Variants in TSNARE1 observed in about 807,000 individuals in gnomAD.
TSNARE1 encodes t-SNARE domain containing 1.
In TSNARE1, 49 loss-of-function variants were observed where a neutral mutation model predicts 62.0. That is an observed-to-expected ratio of 0.79 (90% CI 0.63 to 1.00). The LOEUF is 1.00. Among genes scored for constraint, TSNARE1 ranks in the 50% least tolerant of loss-of-function variants. The pLI is 0.00. For missense variants in TSNARE1, 755 were observed against 700.1 expected, an observed-to-expected ratio of 1.08 and a Z score of -0.88; for synonymous variants, 328 against 294.4, an observed-to-expected ratio of 1.11 and a Z score of -1.17.
chr8:142,389,322 C>T (rs749240288), intron 1 of TSNARE1, among the ~76,000 whole-genome samples: 1 of 152,136 alleles, frequency 6.6e-6, no homozygotes, highest in Non-Finnish European at 1.5e-5. Flanking sequence ...AAAAGCTCCA[C>T]AACGTCAGTC....
chr8:142,299,176 TA>T lies in TSNARE1; in HGVS notation c.1290+1309del, dbSNP rs368315730. On this transcript the variant is annotated intron_variant, in intron 10 of 13. Coordinates refer to ENST00000524325, the MANE Select transcript of TSNARE1 (RefSeq NM_145003.5). The stretch of plus-strand genomic sequence containing the variant: ...TGGGCGCTCCTCCACCAGGTCAAAG[TA>T]GGGGGTTGCCACAGCAGAGGCAGGG... Among the ~76,000 whole-genome samples, 35 of 152,076 alleles carry T rather than the reference TA, an allele frequency of 2.3e-4. No homozygotes were observed. The South Asian group carries it at 6.5e-3, about 28-fold the overall frequency.
At chr8:142,229,726 A>G in intron 12 of TSNARE1, 147 bp from the exon 13 acceptor site, 1 of 668,088 alleles carries the variant, frequency 1.5e-6, no homozygotes, top group South Asian at 1.7e-5. Flanking sequence ...GTGTCTTTCA[A>G]GGGGCTCTGT....
chr8:142,278,489 C>A, intron 11 of TSNARE1: 2 of 985,474 alleles, frequency 2.0e-6, no homozygotes, highest in Non-Finnish European at 2.4e-6. Flanking sequence ...TCCAGCGGGG[C>A]TCTGCTTCGA....
At chr8:142,235,200 C>T (rs1472117003) in intron 12 of TSNARE1, among the ~76,000 whole-genome samples, 1 of 151,412 alleles carries the variant, frequency 6.6e-6, no homozygotes, top group South Asian at 2.1e-4. Flanking sequence ...CCAGGATACC[C>T]GCAGGCCCCA....
At chr8:142,223,714 A>G (rs1816644947) in intron 13 of TSNARE1, among the ~76,000 whole-genome samples, 1 of 152,182 alleles carries the variant, frequency 6.6e-6, no homozygotes, top group Non-Finnish European at 1.5e-5. Context: ...TCACATCCCC[A>G]GGAGTTCACA....
At chr8:142,372,250 C>T (rs577588649) in intron 1 of TSNARE1, among the ~76,000 whole-genome samples, 1 of 152,288 alleles carries the variant, frequency 6.6e-6, no homozygotes, top group Non-Finnish European at 1.5e-5. Flanking sequence ...AGAGGATGGG[C>T]CCTGGGCATG....
upstream of TSNARE1, chr8:142,405,337 G>A (rs12543849): frequency 0.54 from 81,660 of 152,122 alleles, 24,256 homozygotes; most frequent in Non-Finnish European, 0.66. Flanking sequence ...CTCCAGAGAA[G>A]CAGGACTCCC....
chr8:142,219,153 G>T (rs1816085363), intron 13 of TSNARE1, among the ~76,000 whole-genome samples: 1 of 152,190 alleles, frequency 6.6e-6, no homozygotes, highest in South Asian at 2.1e-4. Flanking sequence ...CTTCCCTGGG[G>T]TGGGGCCAGA....
intron 7 of TSNARE1, among the ~76,000 whole-genome samples, chr8:142,316,756 G>A (rs1178909738): frequency 2.0e-5 from 3 of 151,824 alleles, no homozygotes; most frequent in Admixed American, 6.6e-5. Flanking sequence ...TACACTGTGC[G>A]TTTTCTTGCG....
At chr8:142,248,625 G>A (rs1479734778) in intron 12 of TSNARE1, among the ~76,000 whole-genome samples, 2 of 152,242 alleles carry the variant, frequency 1.3e-5, no homozygotes, top group East Asian at 3.8e-4. Context: ...GGGGACTCGT[G>A]GCGCTGAGAG....
At chr8:142,369,646 G>A (rs1182680390) in intron 1 of TSNARE1, among the ~76,000 whole-genome samples, 2 of 152,286 alleles carry the variant, frequency 1.3e-5, no homozygotes, top group East Asian at 1.9e-4. Flanking sequence ...GAAACTAACA[G>A]GAGGTCGCAG....
At chr8:142,393,322 A>T (rs1837677855) in intron 1 of TSNARE1, among the ~76,000 whole-genome samples, 1 of 152,134 alleles carries the variant, frequency 6.6e-6, no homozygotes, top group Non-Finnish European at 1.5e-5. Context: ...GGCTCCCAGG[A>T]GTTAAGGAAG....
At chr8:142,295,868 C>A (rs1273171608) in intron 10 of TSNARE1, among the ~76,000 whole-genome samples, 1 of 151,032 alleles carries the variant, frequency 6.6e-6, no homozygotes, top group Admixed American at 6.6e-5. Context: ...CTGCAGGACA[C>A]CCTGTGCGCA....
At chr8:142,391,400 A>T (rs1837521194) in intron 1 of TSNARE1, among the ~76,000 whole-genome samples, 1 of 151,908 alleles carries the variant, frequency 6.6e-6, no homozygotes, top group Non-Finnish European at 1.5e-5. Context: ...GATGCTGTAC[A>T]CTGCTGGGGA....
At chr8:142,212,678 G>T (rs1815609138) in intron 13 of TSNARE1, among the ~76,000 whole-genome samples, 1 of 151,880 alleles carries the variant, frequency 6.6e-6, no homozygotes, top group Non-Finnish European at 1.5e-5. Context: ...AGTACAGCAG[G>T]CCCTGCCTGG....
chr8:142,256,048 G>C (rs149214412), intron 12 of TSNARE1, among the ~76,000 whole-genome samples: 1 of 4,686 alleles, frequency 2.1e-4, no homozygotes, highest in Non-Finnish European at 5.1e-4. Context: ...CACCACCACC[G>C]TCACCATCAC....
intron 1 of TSNARE1, among the ~76,000 whole-genome samples, chr8:142,381,103 C>G (rs1008489489): frequency 6.6e-6 from 1 of 152,248 alleles, no homozygotes; most frequent in African/African-American, 2.4e-5. Context: ...CAGGGCCTTG[C>G]CCTGGCCCAA....
chr8:142,250,413 C>A (rs1308145787), intron 12 of TSNARE1, among the ~76,000 whole-genome samples: 5 of 152,018 alleles, frequency 3.3e-5, no homozygotes, highest in Admixed American at 2.6e-4. Flanking sequence ...CTGCATAATC[C>A]CGGATCCCTT....
At chr8:142,283,793 AGTGTCTGTCAATGAGCGGAGGTG>A (rs1383713051) in intron 11 of TSNARE1, among the ~76,000 whole-genome samples, 1 of 133,784 alleles carries the variant, frequency 7.5e-6, no homozygotes, top group East Asian at 2.2e-4. Context: ...AGGCGGGGCC[AGTGTCTGTCAATGAGCGGAGGTG>A]GGGCCAGTGT....
Sources: gnomAD v4.1 joint callset for allele counts (sites outside exome capture counted in the v4.1 genomes callset) on GRCh38, gnomAD v4.1.1 for gene constraint, MANE v1.5 for transcripts, NCBI Gene and HGNC (gene_info 2026-07-23, HGNC 2026-07-21) for gene names.